Variants in TSPAN19 observed in about 807,000 individuals in gnomAD.
TSPAN19 encodes tetraspanin-19.
TSPAN19 carries 44 observed loss-of-function variants against 35.1 expected under a neutral mutation model. The ratio of observed to expected loss-of-function variants is 1.25; its 90% confidence interval spans 0.98 to 1.61. The LOEUF is 1.61. Ranked by LOEUF, TSPAN19 falls within the 40% of genes most tolerant of loss-of-function variation. The pLI, the probability that TSPAN19 is intolerant of heterozygous loss-of-function variation, is 0.00. For synonymous variants in TSPAN19, 79 were observed against 92.0 expected (o/e 0.86, Z 0.81); for missense variants, 290 against 280.0 (o/e 1.04, Z -0.26).
At chr12:85,031,175 T>C (rs933465167) in intron 1 of TSPAN19, among the ~76,000 whole-genome samples, 1 of 152,154 alleles carries the variant, frequency 6.6e-6, no homozygotes, top group Non-Finnish European at 1.5e-5. Context: ...AGGTTATATC[T>C]TCTACCTATG....
rs1409612714 is a variant in TSPAN19, at chr12:85,019,740, T to C, written c.340-4A>G. The C allele has an allele frequency of 6.5e-7, 1 of 1,532,290 alleles. No individual in the cohort carries two copies. The highest frequency in any genetic ancestry group is 8.9e-7 in the Non-Finnish European group (1 of 1,128,402). The allele number at this position is 1,532,290 out of a possible 1,614,324, so 94.9% of individuals were successfully genotyped here. Reference sequence around the variant, plus strand: ...TGTCATGCCATAGTTGCTGAACCTGTAGAAAATTGTATTAAAAATGAAAAT... The same window carrying C: ...TGTCATGCCATAGTTGCTGAACCTGCAGAAAATTGTATTAAAAATGAAAAT... On this transcript the variant is annotated splice_region_variant and splice_polypyrimidine_tract_variant and intron_variant, in intron 5 of 8. Transcript: ENST00000532498.
chr12:85,027,774 T>C, intron 4 of TSPAN19, 125 bp downstream of exon 4: 1 of 962,668 alleles, frequency 1.0e-6, no homozygotes, highest in Non-Finnish European at 1.5e-6. Flanking sequence ...GTGTGCTTCA[T>C]TTGAATTACT....
At chr12:85,020,001 A>G (rs1228090548) in intron 5 of TSPAN19, among the ~76,000 whole-genome samples, 1 of 151,950 alleles carries the variant, frequency 6.6e-6, no homozygotes, top group African/African-American at 2.4e-5. Context: ...TCTCATGCAT[A>G]TCTAAGGGAG....
chr12:85,019,054 C>G (rs1431456295), intron 6 of TSPAN19, among the ~76,000 whole-genome samples: 1 of 151,870 alleles, frequency 6.6e-6, no homozygotes, highest in Admixed American at 6.6e-5. Context: ...AAATAATAAT[C>G]TTTAAAAATT....
chr12:85,032,487 TAGTAAGCGCA>T, intron 1 of TSPAN19, among the ~76,000 whole-genome samples: 1 of 152,088 alleles, frequency 6.6e-6, no homozygotes, highest in African/African-American at 2.4e-5. Flanking sequence ...GGTGAGAACT[TAGTAAGCGCA>T]AATGTAGGCA....
chr12:85,023,241 A>T (rs1404768077), intron 5 of TSPAN19, 85 bp downstream of exon 5: 1 of 1,146,602 alleles, frequency 8.7e-7, no homozygotes, highest in Non-Finnish European at 1.3e-6. Flanking sequence ...TTAATATAGG[A>T]TCAATGGTCT....
chr12:85,033,835 A>T (rs903164891), intron 1 of TSPAN19, among the ~76,000 whole-genome samples: 1 of 152,098 alleles, frequency 6.6e-6, no homozygotes, highest in African/African-American at 2.4e-5. Context: ...CCTCAAAGAG[A>T]TGTTGTGAAA....
chr12:85,016,930 A>G (rs1240751957), intron 7 of TSPAN19: 1 of 152,104 alleles, frequency 6.6e-6, no homozygotes, highest in East Asian at 1.9e-4. Context: ...TATGTAAACT[A>G]TACAAAGTAT....
Position 85,029,986 on chromosome 12 carries a change from C to A in TSPAN19, c.-27-13G>T. 3 of 1,382,840 alleles carry A rather than the reference C, an allele frequency of 2.2e-6. No individual in the cohort carries two copies. The highest frequency in any genetic ancestry group is 2.9e-6 in the Non-Finnish European group (3 of 1,030,986). The allele number at this position is 1,382,840 out of a possible 1,614,324, so 85.7% of individuals were successfully genotyped here. On this transcript the variant is annotated splice_polypyrimidine_tract_variant and intron_variant, in intron 1 of 8. Transcript: ENST00000532498. ...GATATTGATGATTCTGAAAAGACAA[C>A]CATAACTTTTTAAACATTCTACACA...
At chr12:85,020,807 A>C (rs1206064512) in intron 5 of TSPAN19, among the ~76,000 whole-genome samples, 1 of 152,058 alleles carries the variant, frequency 6.6e-6, no homozygotes, top group Admixed American at 6.6e-5. Context: ...CCACAAAAAT[A>C]GATTTCCTTG....
At chr12:85,015,097 T>G (rs1218919741) in intron 8 of TSPAN19, 1 of 151,926 alleles carries the variant, frequency 6.6e-6, no homozygotes, top group Non-Finnish European at 1.5e-5. Context: ...AGACTAAAAT[T>G]GTTACCAATT....
In TSPAN19 at chr12:85,027,957, A is replaced by G. The variant is rs762275788; in HGVS notation, c.206T>C (p.Leu69Pro). ...ILIGMGSSTVLFCLLGYIGIH... is the reference protein window; with the variant it reads ...ILIGMGSSTVPFCLLGYIGIH... ...TCCTATATAACCCAATAGACAAAAAAGAACAGTAGAAGATCCCATTCCAAT... is the reference window on the plus strand; with the variant it reads ...TCCTATATAACCCAATAGACAAAAAGGAACAGTAGAAGATCCCATTCCAAT... The change falls in exon 4 of 9, where the codon CTT becomes CCT. Residue 69 changes from leucine to proline, a missense_variant. Transcript: ENST00000532498. 7 of 1,602,028 alleles carry G rather than the reference A, an allele frequency of 4.4e-6. No individual in the cohort carries two copies. Among genetic ancestry groups the G allele is most frequent in the African/African-American group, 1.3e-5 (1 of 74,740 alleles).
chr12:85,018,097 A>G (rs1214576566), intron 6 of TSPAN19, among the ~76,000 whole-genome samples: 1 of 151,832 alleles, frequency 6.6e-6, no homozygotes, highest in Non-Finnish European at 1.5e-5. Flanking sequence ...TACCACAAAG[A>G]ACCAAAATAA....
chr12:85,016,974 A>C (rs1876844503), intron 7 of TSPAN19: 1 of 152,852 alleles, frequency 6.5e-6, no homozygotes, highest in Non-Finnish European at 1.5e-5. Flanking sequence ...TCTAGTTATC[A>C]GTATCCCACA....
intron 5 of TSPAN19, 49 bp from the exon 6 acceptor site, chr12:85,019,785 A>G: frequency 9.6e-7 from 1 of 1,043,362 alleles, no homozygotes; most frequent in Non-Finnish European, 1.4e-6. Flanking sequence ...ATGTATCCAT[A>G]AAAATTTCAT....
intron 1 of TSPAN19, chr12:85,035,164 G>A (rs1046627472): frequency 1.3e-5 from 2 of 152,078 alleles, no homozygotes; most frequent in Admixed American, 6.6e-5. Flanking sequence ...AGGCCAAGGC[G>A]GGAGGATTAC....
chr12:85,026,027 A>T (rs954351814), intron 4 of TSPAN19, among the ~76,000 whole-genome samples: 2 of 152,270 alleles, frequency 1.3e-5, no homozygotes, highest in Admixed American at 1.3e-4. Context: ...CCAGGCCCTA[A>T]TCTGTCAGAT....
intron 1 of TSPAN19, 43 bp from the exon 2 acceptor site, chr12:85,030,016 C>T (rs2135815612): frequency 1.5e-6 from 2 of 1,295,740 alleles, no homozygotes; most frequent in East Asian, 5.3e-5. Flanking sequence ...TACACAACAA[C>T]TTTAAATATT....
rs765917985 is a variant in TSPAN19 at position 85,019,663 on chromosome 12, A to G, written c.413T>C (p.Ile138Thr). ...GGCATTCAGAATAGTCCACTTGGTT[A>G]TATCTTCAGGCTTATCTTTAGATCC... ...EYGSKDKPED[I>T]TKWTILNALQ... Residue 138 changes from isoleucine to threonine, a missense_variant, in exon 6 of 9, where the codon ATA (isoleucine) becomes ACA (threonine). By Grantham distance (89) the Ile-to-Thr change is moderately conservative. Coordinates refer to ENST00000532498, the MANE Select transcript of TSPAN19 (RefSeq NM_001100917.2). The G allele has an allele frequency of 6.2e-7, 1 of 1,609,628 alleles. No individual in the cohort carries two copies. Among genetic ancestry groups the G allele is most frequent in the Non-Finnish European group, 8.5e-7 (1 of 1,177,314 alleles).
Sources: gnomAD v4.1 joint callset for allele counts (sites outside exome capture counted in the v4.1 genomes callset) on GRCh38, gnomAD v4.1.1 for gene constraint, MANE v1.5 for transcripts, NCBI Gene and HGNC (gene_info 2026-07-23, HGNC 2026-07-21) for gene names.